The following KIR2DL3 variants were observed in gnomAD, a reference collection of about 807,000 sequenced individuals.
KIR2DL3 encodes the protein killer cell immunoglobulin-like receptor 2DL3.
In KIR2DL3, 39 loss-of-function variants were observed where a neutral mutation model predicts 33.8. The ratio of observed to expected loss-of-function variants is 1.15; its 90% confidence interval spans 0.89 to 1.51. The LOEUF (loss-of-function observed/expected upper bound fraction) is 1.51, where lower values mean the gene tolerates loss of function less well. Among genes scored for constraint, KIR2DL3 ranks in the 40% most tolerant of loss-of-function variants. KIR2DL3 has a pLI of 0.00. For synonymous variants in KIR2DL3, 174 were observed against 160.2 expected (o/e 1.09, Z -0.65); for missense variants, 462 against 426.2 (o/e 1.08, Z -0.74).
At chr19:54,741,501 C>T (rs1239598328) in intron 2 of KIR2DL3, among the ~76,000 whole-genome samples, 2 of 151,684 alleles carry the variant, frequency 1.3e-5, no homozygotes, top group Non-Finnish European at 2.9e-5. Flanking sequence ...AAGCTGGCAC[C>T]ATGGAGAAGG....
chr19:54,743,383 A>G (rs1357750443), intron 3 of KIR2DL3, among the ~76,000 whole-genome samples: 2 of 152,200 alleles, frequency 1.3e-5, no homozygotes, highest in Non-Finnish European at 2.9e-5. Context: ...TACATAGATG[A>G]TATATAGATA....
intron 4 of KIR2DL3, among the ~76,000 whole-genome samples, chr19:54,746,434 T>G (rs2072498385): frequency 6.8e-6 from 1 of 147,280 alleles, no homozygotes; most frequent in Non-Finnish European, 1.5e-5. Context: ...CGATTACTTG[T>G]GTTTTGAAGG....
At chr19:54,744,633 T>C (rs2071932922) in intron 4 of KIR2DL3, among the ~76,000 whole-genome samples, 1 of 151,010 alleles carries the variant, frequency 6.6e-6, no homozygotes, top group Non-Finnish European at 1.5e-5. Context: ...TTCAAGTGAT[T>C]CTCCTGCTTC....
intron 4 of KIR2DL3, among the ~76,000 whole-genome samples, chr19:54,745,204 C>G (rs2072264736): frequency 6.6e-6 from 1 of 152,128 alleles, no homozygotes; most frequent in South Asian, 2.1e-4. Flanking sequence ...CACTGATGGG[C>G]AGGTAGGTTG....
chr19:54,744,950 ATATATTTTTTTTT>A (rs1299326442), intron 4 of KIR2DL3, among the ~76,000 whole-genome samples: 77 of 26,770 alleles, frequency 2.9e-3, no homozygotes, highest in African/African-American at 7.6e-3. Context: ...ATATATATAT[ATATATTTTTTTTT>A]TTTTTTTTTT....
Position 54,743,515 on chromosome 19 carries a change from A to T in KIR2DL3, c.371-280A>T, listed in dbSNP as rs1215153899. Among the ~76,000 whole-genome samples the T allele has an allele frequency of 7.2e-5, 11 of 152,250 alleles. No individual in the cohort carries two copies. In the South Asian group the frequency reaches 2.3e-3, roughly 32 times the overall value. The stretch of plus-strand genomic sequence containing the variant: ...ACACAACGTGAGAAACTTAGAATTT[A>T]AAAAAGTAACATCAAGTCAACCAAT... On this transcript the variant is annotated intron_variant, in intron 3 of 7. Transcript: ENST00000342376.
At position 54,751,667 on chromosome 19, in the gene KIR2DL3, A is replaced by G. The variant is rs768087589; in HGVS notation, c.734A>G (p.His245Arg). 1.1e-5 allele frequency: 16 copies of G among 1,505,392 alleles called. No homozygotes were observed. Among genetic ancestry groups the G allele is most frequent in the Admixed American group, 1.8e-5 (1 of 55,562 alleles). The allele number at this position is 1,505,392 out of a possible 1,614,324, so 93.3% of individuals were successfully genotyped here. ...CTTCCAGGTAACCCCAGACACCTGC[A>G]TGTTCTGATTGGGACCTCAGTGGTC... ...SSETGNPRHL[H>R]VLIGTSVVII... The change falls in exon 6 of 8, where the codon CAT becomes CGT. Residue 245 changes from histidine to arginine, a missense_variant. By Grantham distance (29) the His-to-Arg change is conservative. Coordinates refer to ENST00000342376, the MANE Select transcript of KIR2DL3 (RefSeq NM_015868.3).
At chr19:54,747,652 A>G (rs1392372937) in intron 5 of KIR2DL3, among the ~76,000 whole-genome samples, 3 of 152,202 alleles carry the variant, frequency 2.0e-5, no homozygotes, top group African/African-American at 4.8e-5. Context: ...GAAAAATGCA[A>G]TGTTTGTTCT....
intron 5 of KIR2DL3, among the ~76,000 whole-genome samples, chr19:54,749,568 T>C (rs1359631139): frequency 3.0e-5 from 3 of 100,656 alleles, no homozygotes; most frequent in Non-Finnish European, 6.6e-5. Flanking sequence ...GTGACAGATA[T>C]ATGAGTGGTG....
rs754570065 is a variant in KIR2DL3, at chr19:54,752,470, C to G, written c.977C>G (p.Pro326Arg). The G allele has an allele frequency of 2.7e-5, 39 of 1,465,750 alleles. 9 individuals are homozygous for G. Among genetic ancestry groups the G allele is most frequent in the Non-Finnish European group, 1.9e-6 (2 of 1,077,556 alleles). The allele number at this position is 1,465,750 out of a possible 1,614,324, so 90.8% of individuals were successfully genotyped here. A position where few individuals can be genotyped will look rare whatever the true frequency, so the allele number is the denominator to read the frequency against. ...CGCCCTTCTCAGAGGCCCAAGACAC[C>G]CCCAACAGATATCATCGTGTACACG... ...ITRPSQRPKTPPTDIIVYTEL... is the reference protein window; with the variant it reads ...ITRPSQRPKTRPTDIIVYTEL... Residue 326 changes from proline (P) to arginine (R), a missense_variant, in exon 8 of 8, where the codon CCC becomes CGC. Pro to Arg is a moderately radical substitution (Grantham distance 103). Transcript: ENST00000342376.
intron 6 of KIR2DL3, 126 bp downstream of exon 6, chr19:54,751,879 G>A (rs2073502321): frequency 2.4e-6 from 2 of 847,474 alleles, no homozygotes; most frequent in Admixed American, 4.8e-5. Flanking sequence ...ACAGAGGGAG[G>A]ACTTTCTAGA....
chr19:54,742,915 C>A (rs1197889948), intron 3 of KIR2DL3, among the ~76,000 whole-genome samples: 1 of 151,456 alleles, frequency 6.6e-6, no homozygotes, highest in Non-Finnish European at 1.5e-5. Context: ...AAAGCAAAGA[C>A]ATAAACACAC....
chr19:54,746,105 G>T lies in KIR2DL3; in HGVS notation c.665-1230G>T, dbSNP rs572526194. ...TAGGATGACAGACGTGAGCCACCAC[G>T]CCCGGCCTAAAATCCATTTTAATGG... On this transcript the variant is annotated intron_variant, in intron 4 of 7. Coordinates refer to ENST00000342376, the MANE Select transcript of KIR2DL3 (RefSeq NM_015868.3). Among the ~76,000 whole-genome samples, 2 of 132,846 alleles carry T rather than the reference G, an allele frequency of 1.5e-5. 1 individual carries two copies. Among genetic ancestry groups the T allele is most frequent in the Non-Finnish European group, 3.3e-5 (2 of 60,328 alleles). The allele number at this position is 132,846 out of a possible 152,430, so 87.2% of individuals were successfully genotyped here.
intron 4 of KIR2DL3, 146 bp from the exon 5 acceptor site, chr19:54,747,189 C>T (rs200275794): frequency 9.6e-6 from 8 of 831,134 alleles, no homozygotes; most frequent in Non-Finnish European, 1.3e-5. Context: ...GCGTCACATA[C>T]AAAAATTACG....
intron 3 of KIR2DL3, among the ~76,000 whole-genome samples, chr19:54,742,906 A>G (rs2071447539): frequency 6.6e-6 from 1 of 151,658 alleles, no homozygotes; most frequent in Non-Finnish European, 1.5e-5. Context: ...GAACACCAAA[A>G]AGCAAAGACA....
At chr19:54,751,570 G>T (rs1287990973) in intron 5 of KIR2DL3, 79 bp from the exon 6 acceptor site, 2 of 1,189,176 alleles carry the variant, frequency 1.7e-6, no homozygotes, top group Non-Finnish European at 2.4e-6. Context: ...GTGGTTACCT[G>T]TCAATCAAGA....
In KIR2DL3 at chr19:54,738,535, C is replaced by A. The variant is rs377407133; in HGVS notation, c.-11C>A. ...GCTGGGGCGCGGCCGCCTGTCTGCA[C>A]AGACAGCACCATGTCGCTCATGGTC... On this transcript the variant is annotated 5_prime_UTR_variant, in exon 1 of 8. Coordinates refer to ENST00000342376, the MANE Select transcript of KIR2DL3 (RefSeq NM_015868.3). 59 of 1,614,188 alleles carry A rather than the reference C, an allele frequency of 3.7e-5. No homozygotes were observed. The African/African-American group carries it at 7.5e-4, about 20-fold the overall frequency.
chr19:54,742,491 G>A (rs1442880214), intron 3 of KIR2DL3, among the ~76,000 whole-genome samples: 2 of 152,106 alleles, frequency 1.3e-5, no homozygotes, highest in South Asian at 2.1e-4. Context: ...GCCATACAGG[G>A]AGTTAGAAAA....
intron 6 of KIR2DL3, 112 bp from the exon 7 acceptor site, chr19:54,752,104 A>C: frequency 8.3e-7 from 1 of 1,209,260 alleles, no homozygotes; most frequent in Non-Finnish European, 1.2e-6. Context: ...TGCTGTTGGC[A>C]ACTGAGGGAC....
Sources: allele counts gnomAD v4.1 joint callset (sites outside exome capture counted in the v4.1 genomes callset), GRCh38; gene constraint gnomAD v4.1.1; transcripts MANE v1.5; gene names NCBI Gene and HGNC (gene_info 2026-07-23, HGNC 2026-07-21).